Variants in GNG7 observed in about 807,000 individuals in gnomAD.
The protein encoded by GNG7 is G protein subunit gamma 7, also known as guanine nucleotide-binding protein G(I)/G(S)/G(O) subunit gamma-7.
In GNG7, 1 loss-of-function variant was observed where a neutral mutation model predicts 4.0. That is an observed-to-expected ratio of 0.25 (90% CI 0.09 to 1.18). The LOEUF is 1.18. Among genes scored for constraint, GNG7 ranks in the 50% most tolerant of loss-of-function variants. GNG7 has a pLI of 0.50. For missense variants in GNG7, 86 were observed against 91.9 expected, an observed-to-expected ratio of 0.94 and a Z score of 0.26; for synonymous variants, 34 against 36.9, an observed-to-expected ratio of 0.92 and a Z score of 0.29.
intron 1 of GNG7, among the ~76,000 whole-genome samples, chr19:2,662,757 G>A (rs1018651127): frequency 6.6e-5 from 10 of 152,044 alleles, no homozygotes; most frequent in South Asian, 4.1e-4. Context: ...GACTGATCGC[G>A]TCACTGGCCA....
chr19:2,553,817 T>C (rs925251735), intron 3 of GNG7, among the ~76,000 whole-genome samples: 1 of 106,316 alleles, frequency 9.4e-6, no homozygotes, highest in Admixed American at 1.2e-4. Context: ...ATATATCACA[T>C]ACATGTACAT....
intron 1 of GNG7, among the ~76,000 whole-genome samples, chr19:2,696,904 G>A (rs1913280267): frequency 6.6e-6 from 1 of 152,174 alleles, no homozygotes; most frequent in South Asian, 2.1e-4. Context: ...TCGCTCTGTT[G>A]CCCAGGCTGG....
chr19:2,623,301 CAG>C (rs1416944435), intron 2 of GNG7, among the ~76,000 whole-genome samples: 3 of 152,040 alleles, frequency 2.0e-5, no homozygotes, highest in Non-Finnish European at 4.4e-5. Context: ...GCCTGGGCAA[CAG>C]AGCAAGACCA....
At position 2,618,669 on chromosome 19, in the gene GNG7, A is replaced by G. The variant is rs1981787577; in HGVS notation, c.-78+27555T>C. Among the ~76,000 whole-genome samples the G allele has an allele frequency of 6.6e-6, 1 of 151,738 alleles. No homozygotes were observed. Among genetic ancestry groups the G allele is most frequent in the Non-Finnish European group, 1.5e-5 (1 of 67,936 alleles). On this transcript the variant is annotated intron_variant, in intron 2 of 4. Transcript: ENST00000382159. The surrounding 1 kb of genome is among the most constrained non-coding windows in gnomAD (Gnocchi z 5.1). The stretch of plus-strand genomic sequence containing the variant: ...CAGCCTGTTCTATTTTTTTTTTAAT[A>G]AACAATTTTATTTGGAGTAATTTTA...
chr19:2,604,478 A>T (rs1043620811), intron 2 of GNG7, among the ~76,000 whole-genome samples: 6 of 144,588 alleles, frequency 4.1e-5, no homozygotes, highest in Non-Finnish European at 7.4e-5. Context: ...TTCAAAAAAA[A>T]AAAAAAATGA....
intron 2 of GNG7, among the ~76,000 whole-genome samples, chr19:2,564,073 G>A (rs1027147456): frequency 1.3e-5 from 2 of 152,136 alleles, no homozygotes; most frequent in Admixed American, 6.6e-5. Flanking sequence ...CTAAACAGGA[G>A]TGTAGCTAAT....
At chr19:2,540,494 C>T (rs1233258894) in intron 3 of GNG7, among the ~76,000 whole-genome samples, 3 of 152,206 alleles carry the variant, frequency 2.0e-5, no homozygotes, top group Admixed American at 2.0e-4. Flanking sequence ...AGCCCGACGG[C>T]GTGCCCAGCC....
intron 1 of GNG7, among the ~76,000 whole-genome samples, chr19:2,672,949 C>T (rs992114523): frequency 6.6e-6 from 1 of 152,020 alleles, no homozygotes; most frequent in Admixed American, 6.6e-5. Flanking sequence ...AAACTCCTGA[C>T]GAGTCCTCCT....
At chr19:2,537,949 T>C (rs1303061512) in intron 3 of GNG7, among the ~76,000 whole-genome samples, 2 of 152,090 alleles carry the variant, frequency 1.3e-5, no homozygotes, top group Admixed American at 6.6e-5. Context: ...TGGTGGTGCA[T>C]GCCTGTAGTC....
At chr19:2,577,202 G>T (rs1466766578) in intron 2 of GNG7, among the ~76,000 whole-genome samples, 1 of 152,196 alleles carries the variant, frequency 6.6e-6, no homozygotes, top group Non-Finnish European at 1.5e-5. Flanking sequence ...CACGGTTTGT[G>T]GGGTCAGGAG....
chr19:2,539,276 T>G (rs1257665421), intron 3 of GNG7, among the ~76,000 whole-genome samples: 1 of 151,780 alleles, frequency 6.6e-6, no homozygotes, highest in Non-Finnish European at 1.5e-5. Flanking sequence ...TAAGGATATT[T>G]TCACAAACTG....
intron 2 of GNG7, among the ~76,000 whole-genome samples, chr19:2,596,482 C>T (rs1409274056): frequency 3.9e-5 from 6 of 151,962 alleles, no homozygotes; most frequent in Non-Finnish European, 8.8e-5. Context: ...GCCTGGGTAA[C>T]ATAGTGAGAC....
chr19:2,664,582 T>G (rs1983257660), intron 1 of GNG7, among the ~76,000 whole-genome samples: 1 of 151,992 alleles, frequency 6.6e-6, no homozygotes, highest in Admixed American at 6.6e-5. Context: ...GAAGGAACAA[T>G]CAGACGGTTG....
At chr19:2,664,672 C>T (rs1199711352) in intron 1 of GNG7, among the ~76,000 whole-genome samples, 2 of 152,240 alleles carry the variant, frequency 1.3e-5, no homozygotes, top group African/African-American at 2.4e-5. Flanking sequence ...ATGGCCCCGG[C>T]TGACACCGTC....
At chr19:2,599,150 C>T (rs1981124276) in intron 2 of GNG7, among the ~76,000 whole-genome samples, 1 of 152,190 alleles carries the variant, frequency 6.6e-6, no homozygotes, top group South Asian at 2.1e-4. Context: ...GGTTGCTCCG[C>T]CGCAGACACC....
At chr19:2,649,032 G>A (rs1419183795) in intron 1 of GNG7, among the ~76,000 whole-genome samples, 1 of 151,838 alleles carries the variant, frequency 6.6e-6, no homozygotes, top group East Asian at 1.9e-4. Context: ...GGGCCTACAG[G>A]TGGGCATCAC....
Position 2,514,970 on chromosome 19 carries a change from G to GAGAGAGAGAGAGAGAA in GNG7, c.*36_*51dup, listed in dbSNP as rs1972711273. 8 of 312,390 alleles carry GAGAGAGAGAGAGAGAA rather than the reference G, an allele frequency of 2.6e-5. No homozygotes were observed. Among genetic ancestry groups the GAGAGAGAGAGAGAGAA allele is most frequent in the Middle Eastern group, 1.4e-3 (2 of 1,420 alleles). The allele number at this position is 312,390 out of a possible 1,614,324, so 19.4% of individuals were successfully genotyped here. On this transcript the variant is annotated 3_prime_UTR_variant, in exon 5 of 5. Coordinates refer to ENST00000382159, the MANE Select transcript of GNG7 (RefSeq NM_052847.3). ...CCTGCCTGAGACAGAGACAGAGACA[G>GAGAGAGAGAGAGAGAA]AGAGAGAGAGAGAGAAAGAGAGAGA...
intron 2 of GNG7, among the ~76,000 whole-genome samples, chr19:2,605,334 G>T (rs181582549): frequency 9.7e-4 from 147 of 152,006 alleles, no homozygotes; most frequent in Middle Eastern, 3.4e-3. Flanking sequence ...GAGTAGCTGG[G>T]ACTACAGGCA....
At chr19:2,596,609 T>C (rs1981028068) in intron 2 of GNG7, among the ~76,000 whole-genome samples, 2 of 150,760 alleles carry the variant, frequency 1.3e-5, no homozygotes, top group African/African-American at 4.9e-5. Flanking sequence ...GTTGAGGCTG[T>C]AGTGAGCCAT....
Sources: allele counts gnomAD v4.1 joint callset (sites outside exome capture counted in the v4.1 genomes callset), GRCh38; gene constraint gnomAD v4.1.1; non-coding constraint Gnocchi (gnomAD v3.1); transcripts MANE v1.5; gene names NCBI Gene and HGNC (gene_info 2026-07-23, HGNC 2026-07-21).